TTC6: variants seen among roughly 807,000 people sequenced by gnomAD.
TTC6 encodes tetratricopeptide repeat domain 6.
In TTC6, 172 loss-of-function variants were observed where a neutral mutation model predicts 210.4. That is an observed-to-expected ratio of 0.82 (90% confidence interval 0.72 to 0.93). The LOEUF is 0.93. TTC6 is among the 40% of genes least tolerant of loss of function. The pLI, the probability that TTC6 is intolerant of heterozygous loss-of-function variation, is 0.00. For synonymous variants in TTC6, 804 were observed against 819.6 expected (o/e 0.98, Z 0.32); for missense variants, 2,414 against 2,318.1 (o/e 1.04, Z -0.85).
At chr14:37,747,232 T>A (rs2095938662) in intron 10 of TTC6, among the ~76,000 whole-genome samples, 1 of 152,200 alleles carries the variant, frequency 6.6e-6, no homozygotes. Context: ...CAAGGAAGTT[T>A]TCCTAGAATC....
chr14:37,795,477 C>G (rs939869609), intron 18 of TTC6, 125 bp downstream of exon 20: 3 of 537,216 alleles, frequency 5.6e-6, no homozygotes, highest in Non-Finnish European at 9.2e-6. Context: ...CAGCAATTGC[C>G]ATTTCCCCAC....
rs763136501 is a variant in TTC6, at chr14:37,842,225, G to A, written c.5595G>A (p.Leu1865=). The A allele has an allele frequency of 5.0e-6, 8 of 1,609,786 alleles. No individual in the cohort carries two copies. In the East Asian group the frequency reaches 1.8e-4, roughly 36 times the overall value. The change falls in exon 31 of 31, where the codon CTG becomes CTA. Residue 1865 remains leucine, a synonymous_variant. Coordinates refer to ENST00000553443, the Ensembl canonical transcript of TTC6. ...CAAAAGTTCGTGGTAAAATAGGTCT[G>A]ATTGAGGAAGCTATGGCTGACTATA...
intron 5 of TTC6, among the ~76,000 whole-genome samples, chr14:37,704,152 T>A (rs1176093635): frequency 6.6e-6 from 1 of 152,158 alleles, no homozygotes; most frequent in Non-Finnish European, 1.5e-5. Context: ...AATGGCATAA[T>A]AATAGCTTAC....
chr14:37,662,216 TC>T (rs2095738896), intron 1 of TTC6, among the ~76,000 whole-genome samples: 1 of 152,222 alleles, frequency 6.6e-6, no homozygotes, highest in South Asian at 2.1e-4. Flanking sequence ...AGAGAGGGCA[TC>T]CTTGTCTTGT....
At chr14:37,614,018 C>T (rs1340233439) in intron 2 of TTC6, among the ~76,000 whole-genome samples, 2 of 151,408 alleles carry the variant, frequency 1.3e-5, no homozygotes, top group East Asian at 3.9e-4. Context: ...TCTTCTTTTC[C>T]TAGATTCTTA....
chr14:37,762,337 T>C (rs999253742), intron 14 of TTC6, among the ~76,000 whole-genome samples: 4 of 152,192 alleles, frequency 2.6e-5, no homozygotes, highest in African/African-American at 7.2e-5. Flanking sequence ...TTTGGATATA[T>C]ACCCAGAAGT....
intron 24 of TTC6, among the ~76,000 whole-genome samples, 194 bp from the exon 27 acceptor site, chr14:37,812,120 A>G (rs539626433): frequency 3.2e-4 from 48 of 152,330 alleles, no homozygotes; most frequent in African/African-American, 1.2e-3. Flanking sequence ...GCTTATTGGA[A>G]AGTATCAAGG....
chr14:37,640,019 A>G (rs35074434), intron 1 of TTC6, among the ~76,000 whole-genome samples: 8,444 of 151,750 alleles, frequency 0.056, 362 homozygotes, highest in Non-Finnish European at 0.087. Context: ...TAAGGAAAAT[A>G]CCTATTTCTT....
intron 14 of TTC6, 74 bp from the exon 17 acceptor site, chr14:37,787,394 T>A (rs1474598949): frequency 9.9e-7 from 1 of 1,009,132 alleles, no homozygotes; most frequent in African/African-American, 1.6e-5. Flanking sequence ...AATATAAAAT[T>A]AGTTGTACAG....
chr14:37,749,846 G>T lies in TTC6; in HGVS notation c.2956+3G>T, dbSNP rs2095946586. ...TAAATATAATAAAAATAATACAGGT[G>T]GGTTGTCTGTAGAGACAGTTATATT... is the stretch of plus-strand genomic sequence containing the variant. On this transcript the variant is annotated splice_donor_region_variant and intron_variant, in intron 12 of 30. Transcript: ENST00000553443. 2 of 1,369,434 alleles carry T rather than the reference G, an allele frequency of 1.5e-6. No individual in the cohort carries two copies. Among genetic ancestry groups the T allele is most frequent in the East Asian group, 2.8e-5 (1 of 35,680 alleles). The allele number at this position is 1,369,434 out of a possible 1,614,324, so 84.8% of individuals were successfully genotyped here.
At chr14:37,769,550 C>A (rs1428891915) in intron 14 of TTC6, among the ~76,000 whole-genome samples, 9 of 152,166 alleles carry the variant, frequency 5.9e-5, no homozygotes, top group African/African-American at 9.6e-5. Context: ...TGTGTCGAGG[C>A]ATTTATCCAT....
At position 37,723,573 on chromosome 14, in the gene TTC6, C is replaced by T. The variant is rs115066052; in HGVS notation, c.1714-1325C>T. 2.1e-3 allele frequency among the ~76,000 whole-genome samples: 324 copies of T among 152,100 alleles called. 4 individuals carry two copies. Among genetic ancestry groups the T allele is most frequent in the African/African-American group, 7.5e-3 (313 of 41,504 alleles). ...AGTGACAAACCAGGCTTCCATAATT[C>T]TCCCTCAATTTATTAAATTTTTCAG... On this transcript the variant is annotated intron_variant, in intron 6 of 30. Coordinates refer to ENST00000553443, the Ensembl canonical transcript of TTC6.
intron 6 of TTC6, among the ~76,000 whole-genome samples, chr14:37,723,198 A>C (rs913021342): frequency 6.6e-6 from 1 of 152,074 alleles, no homozygotes; most frequent in Non-Finnish European, 1.5e-5. Context: ...TAGATATTCT[A>C]GGTTCATCTT....
At chr14:37,804,792 T>C (rs1348817784) in exon 21 of TTC6, 2 of 1,614,078 alleles carry the variant, frequency 1.2e-6, no homozygotes, top group African/African-American at 1.3e-5. Context: ...CTTTGTTACA[T>C]GGAGGAAGGC....
intron 14 of TTC6, among the ~76,000 whole-genome samples, chr14:37,756,178 TG>T (rs1249069878): frequency 2.6e-5 from 4 of 152,208 alleles, no homozygotes; most frequent in Admixed American, 6.5e-5. Flanking sequence ...TAGGAATGCT[TG>T]TGATTTTTGC....
At chr14:37,758,086 T>C (rs2139081082) in intron 14 of TTC6, among the ~76,000 whole-genome samples, 1 of 152,150 alleles carries the variant, frequency 6.6e-6, no homozygotes, top group East Asian at 1.9e-4. Flanking sequence ...TGCTGAGGAG[T>C]GTTTTACTTC....
intron 12 of TTC6, 125 bp downstream of exon 14, chr14:37,749,968 T>C (rs951004632): frequency 5.1e-6 from 3 of 589,252 alleles, no homozygotes; most frequent in Non-Finnish European, 7.2e-6. Context: ...CTCAGTTAAA[T>C]TTTTTTACTC....
At chr14:37,661,859 G>A (rs149912257) in intron 1 of TTC6, among the ~76,000 whole-genome samples, 8,698 of 152,202 alleles carry the variant, frequency 0.057, 385 homozygotes, top group Non-Finnish European at 0.089. Context: ...GTGGTTTGTA[G>A]TTCTCCTTGA....
intron 2 of TTC6, among the ~76,000 whole-genome samples, chr14:37,611,678 G>A (rs2095634824): frequency 6.6e-6 from 1 of 152,144 alleles, no homozygotes; most frequent in South Asian, 2.1e-4. Context: ...GAAGGAGAAA[G>A]AGGGGGATTC....
Sources: allele counts gnomAD v4.1 joint callset (sites outside exome capture counted in the v4.1 genomes callset), GRCh38; gene constraint gnomAD v4.1.1; transcripts MANE v1.5; gene names NCBI Gene and HGNC (gene_info 2026-07-23, HGNC 2026-07-21).